The following ABCA13 variants were observed in gnomAD, a reference collection of about 807,000 sequenced individuals.
ABCA13 encodes the protein ATP binding cassette subfamily A member 13, also known as ATP-binding cassette sub-family A member 13.
Under a neutral mutation model 478.7 loss-of-function variants are expected in ABCA13, and 476 were observed. That is an observed-to-expected ratio of 0.99 (90% CI 0.92 to 1.07). ABCA13 has a LOEUF of 1.07. Ranked by LOEUF, ABCA13 falls within the 50% of genes least tolerant of loss-of-function variation. ABCA13 has a pLI of 0.00. For missense variants in ABCA13, 6,060 were observed against 5,910.6 expected (o/e 1.03, Z -0.83); for synonymous variants, 2,252 against 2,158.9 (o/e 1.04, Z -1.20).
chr7:48,228,229 G>A (rs900269372), intron 6 of ABCA13, among the ~76,000 whole-genome samples: 12 of 152,200 alleles, frequency 7.9e-5, no homozygotes, highest in African/African-American at 2.4e-4. Flanking sequence ...TGTGCTTTGG[G>A]GAGGTCCCCG....
intron 43 of ABCA13, among the ~76,000 whole-genome samples, chr7:48,457,164 A>G (rs1396860013): frequency 6.6e-6 from 1 of 152,112 alleles, no homozygotes; most frequent in African/African-American, 2.4e-5. Context: ...TTCAGACCTG[A>G]TATTTCATTG....
Position 48,317,314 on chromosome 7 carries a change from A to C in ABCA13, c.9999+18A>C. The C allele has an allele frequency of 6.2e-7, 1 of 1,607,752 alleles. No individual in the cohort carries two copies. Among genetic ancestry groups the C allele is most frequent in the Non-Finnish European group, 8.5e-7 (1 of 1,176,850 alleles). ...TTCAAAAGGTAAGTTAAAATAAATG[A>C]GAATCATATAGACCATACATACACT... On this transcript the variant is annotated intron_variant, in intron 27 of 61. Transcript: ENST00000435803.
intron 43 of ABCA13, among the ~76,000 whole-genome samples, chr7:48,465,946 C>G (rs1317075873): frequency 6.6e-6 from 1 of 151,762 alleles, no homozygotes. Context: ...TAATTCTTTC[C>G]AAAAAGAATT....
chr7:48,645,489 C>T lies in ABCA13; in HGVS notation c.15154C>T (p.His5052Tyr). The T allele has an allele frequency of 6.3e-7, 1 of 1,588,326 alleles. No homozygotes were observed. Among genetic ancestry groups the T allele is most frequent in the Non-Finnish European group, 8.6e-7 (1 of 1,166,100 alleles). ...STLDPSTDSHHTHHLPI is the reference protein window; with the variant it reads ...STLDPSTDSHYTHHLPI ...TCTTGATCCATCCACTGACAGTCAC[C>T]ACACACATCACTTGCCCATCTGAGC... The change falls in exon 62 of 62, where the codon CAC (histidine) becomes TAC (tyrosine). Residue 5052 changes from histidine (H) to tyrosine (Y), a missense_variant. Physicochemically the swap from His to Tyr is moderately conservative, Grantham distance 83 (BLOSUM62 2). Around this residue, in one of 3 missense-constraint regions of ABCA13, gnomAD observed 1,627 missense variants for 1,571.0 expected, o/e 1.04. Transcript: ENST00000435803.
chr7:48,491,270 C>T (rs537160130), intron 48 of ABCA13, among the ~76,000 whole-genome samples: 1 of 152,142 alleles, frequency 6.6e-6, no homozygotes, highest in African/African-American at 2.4e-5. Flanking sequence ...ACATTAATAA[C>T]AAATGATAGA....
chr7:48,412,673 T>C (rs1819436922), intron 41 of ABCA13, 90 bp downstream of exon 41: 4 of 766,206 alleles, frequency 5.2e-6, no homozygotes, highest in African/African-American at 2.0e-5. Context: ...GGGGGGGAGA[T>C]GTGGGTAAGG....
In ABCA13 at chr7:48,466,228, A is replaced by AT. The variant is rs376674959; in HGVS notation, c.12816-727dup. ...CTCAAGATTGTCTTATAATTGAGGT[A>AT]TAAAATTTAATACAGGGTTTGTTTC... is the stretch of plus-strand genomic sequence containing the variant. On this transcript the variant is annotated intron_variant, in intron 43 of 61. Coordinates refer to ENST00000435803, the MANE Select transcript of ABCA13 (RefSeq NM_152701.5). Among the ~76,000 whole-genome samples the AT allele has an allele frequency of 3.0e-3, 458 of 152,334 alleles. 2 individuals are homozygous for AT. The highest frequency in any genetic ancestry group is 1.0e-2 in the African/African-American group (414 of 41,566).
chr7:48,433,445 TATATA>T lies in ABCA13; in HGVS notation c.12565+5581_12565+5585del, dbSNP rs939421631. Among the ~76,000 whole-genome samples, 397 of 149,194 alleles carry T rather than the reference TATATA, an allele frequency of 2.7e-3. 1 individual carries two copies. The highest frequency in any genetic ancestry group is 8.9e-3 in the African/African-American group (365 of 41,030). On this transcript the variant is annotated intron_variant, in intron 42 of 61. Transcript: ENST00000435803. ...CAAATGTGTTTTTATATATGATAAA[TATATA>T]ATATAAGTACATATATTTATATACA...
chr7:48,616,683 G>A (rs1035333052), intron 59 of ABCA13, among the ~76,000 whole-genome samples: 7 of 152,046 alleles, frequency 4.6e-5, no homozygotes, highest in African/African-American at 1.7e-4. Context: ...ACAAGAAATG[G>A]CTTGTGGGTT....
intron 55 of ABCA13, among the ~76,000 whole-genome samples, chr7:48,575,885 G>A (rs1404056131): frequency 6.6e-6 from 1 of 152,004 alleles, no homozygotes; most frequent in African/African-American, 2.4e-5. Context: ...AGACAGTCAG[G>A]GGACCCCCTA....
At chr7:48,616,889 T>G (rs1205687549) in intron 59 of ABCA13, among the ~76,000 whole-genome samples, 1 of 151,946 alleles carries the variant, frequency 6.6e-6, no homozygotes, top group East Asian at 1.9e-4. Flanking sequence ...TTTTAAAAAA[T>G]TATATCCAGG....
chr7:48,515,227 A>G (rs575580165), intron 51 of ABCA13, among the ~76,000 whole-genome samples: 58 of 152,210 alleles, frequency 3.8e-4, no homozygotes, highest in Non-Finnish European at 4.8e-4. Flanking sequence ...ATTTACCTTG[A>G]GTGAGCAGAG....
chr7:48,388,267 T>G (rs564903364), intron 36 of ABCA13, among the ~76,000 whole-genome samples: 1 of 152,348 alleles, frequency 6.6e-6, no homozygotes, highest in South Asian at 2.1e-4. Flanking sequence ...GAAGCGTTAG[T>G]CCCAAAATGA....
intron 55 of ABCA13, among the ~76,000 whole-genome samples, chr7:48,558,539 C>G (rs1420372628): frequency 6.6e-6 from 1 of 152,132 alleles, no homozygotes; most frequent in East Asian, 1.9e-4. Context: ...CTCAGGTGAT[C>G]TACCTGCCTT....
intron 13 of ABCA13, among the ~76,000 whole-genome samples, chr7:48,247,776 A>T (rs76956990): frequency 0.08 from 12,103 of 152,098 alleles, 600 homozygotes; most frequent in East Asian, 0.18. Context: ...CAGGGATCCC[A>T]CACACAAGCA....
rs547952594 is a variant in ABCA13, at chr7:48,305,343, G to A, written c.9322-4604G>A. On this transcript the variant is annotated intron_variant, in intron 23 of 61. Transcript: ENST00000435803. ...TTCTCGCAGCCTTCTCCTGCCCTCC[G>A]ATGCTCATCTCTTGTACTTGCCTCT... is the stretch of plus-strand genomic sequence containing the variant. Among the ~76,000 whole-genome samples the A allele has an allele frequency of 1.2e-4, 18 of 152,268 alleles. 1 individual carries two copies. In the South Asian group the frequency reaches 1.5e-3, roughly 12 times the overall value.
chr7:48,374,516 A>C (rs776060685), intron 34 of ABCA13, 100 bp downstream of exon 34: 7 of 1,081,742 alleles, frequency 6.5e-6, no homozygotes, highest in Non-Finnish European at 9.4e-6. Context: ...TTCATTATCA[A>C]GTAGAGCATT....
In ABCA13 at chr7:48,524,254, T is replaced by C. The variant is rs2131002415; in HGVS notation, c.14058T>C (p.His4686=). Residue 4686 remains histidine (H), a synonymous_variant, in exon 54 of 62, where the codon CAT becomes CAC. Coordinates refer to ENST00000435803, the MANE Select transcript of ABCA13 (RefSeq NM_152701.5). ...TCTGATTTCATCTTCCCAGGGGTCA[T>C]TCTACTCTCCAAGGCACAGTCAAAT... ...HWDLLRWPRG[H]STLQGTVKSS... 1 of 1,610,838 alleles carries C rather than the reference T, an allele frequency of 6.2e-7. No individual in the cohort carries two copies. Among genetic ancestry groups the C allele is most frequent in the Admixed American group, 1.7e-5 (1 of 59,620 alleles).
chr7:48,520,132 A>G lies in ABCA13; in HGVS notation c.13889A>G (p.Asn4630Ser), dbSNP rs1832438941. The change falls in exon 53 of 62, where the codon AAT (asparagine) becomes AGT (serine). Residue 4630 changes from asparagine (N) to serine (S), a missense_variant. Physicochemically the swap from Asn to Ser is conservative, Grantham distance 46. Around this residue, in one of 3 missense-constraint regions of ABCA13, gnomAD observed 1,627 missense variants for 1,571.0 expected, o/e 1.04. Coordinates refer to ENST00000435803, the MANE Select transcript of ABCA13 (RefSeq NM_152701.5). ...CAAGGACTGGTAGAACTCTGCTATAATCAGATCAAATATGACCTGACCCAC... is the reference window on the plus strand; with the variant it reads ...CAAGGACTGGTAGAACTCTGCTATAGTCAGATCAAATATGACCTGACCCAC... ...LGQGLVELCY[N>S]QIKYDLTHNF... 2 of 1,613,618 alleles carry G rather than the reference A, an allele frequency of 1.2e-6. No homozygotes were observed. The highest frequency in any genetic ancestry group is 2.2e-5 in the South Asian group (2 of 91,078).
Sources: gnomAD v4.1 joint callset for allele counts (sites outside exome capture counted in the v4.1 genomes callset) on GRCh38, gnomAD v4.1.1 for gene constraint, gnomAD v4.1.1 regional missense constraint, MANE v1.5 for transcripts, NCBI Gene and HGNC (gene_info 2026-07-23, HGNC 2026-07-21) for gene names.